The following NUP210 variants were observed in gnomAD, a reference collection of about 807,000 sequenced individuals.
The protein encoded by NUP210 is nuclear pore membrane glycoprotein 210.
In NUP210, 151 loss-of-function variants were observed where a neutral mutation model predicts 196.0. The ratio of observed to expected loss-of-function variants is 0.77; its 90% CI spans 0.67 to 0.88. The LOEUF is 0.88. Ranked by LOEUF, NUP210 falls within the 40% of genes least tolerant of loss-of-function variation. NUP210 has a pLI of 0.00. For missense variants in NUP210, 2,314 were observed against 2,493.7 expected (o/e 0.93, Z 1.53); for synonymous variants, 1,070 against 1,052.7 (o/e 1.02, Z -0.32).
intron 20 of NUP210, chr3:13,346,942 C>A: frequency 1.1e-6 from 1 of 913,898 alleles, no homozygotes; most frequent in Non-Finnish European, 1.3e-6. Flanking sequence ...ACACAGGGAC[C>A]CGGCCAGCCC....
intron 6 of NUP210, among the ~76,000 whole-genome samples, chr3:13,384,396 T>G (rs1010698120): frequency 2.6e-5 from 4 of 152,208 alleles, no homozygotes; most frequent in African/African-American, 9.6e-5. Flanking sequence ...CTTCTATGCC[T>G]CAGTTTTCCT....
At chr3:13,353,345 G>T (rs1277491218) in intron 18 of NUP210, among the ~76,000 whole-genome samples, 3 of 152,136 alleles carry the variant, frequency 2.0e-5, no homozygotes, top group Non-Finnish European at 4.4e-5. Context: ...TTCTTGAGAA[G>T]CCCTTCCCAT....
At chr3:13,391,652 T>C (rs994384408) in intron 3 of NUP210, among the ~76,000 whole-genome samples, 2 of 147,522 alleles carry the variant, frequency 1.4e-5, no homozygotes, top group African/African-American at 2.5e-5. Context: ...GTTTACAATT[T>C]AGGAGTCTGC....
chr3:13,341,596 G>T, intron 23 of NUP210, 152 bp downstream of exon 23: 1 of 884,718 alleles, frequency 1.1e-6, no homozygotes, highest in Non-Finnish European at 1.7e-6. Flanking sequence ...GATCCCTAGA[G>T]CTCGTAACAG....
chr3:13,334,757 C>T (rs1160066281), intron 28 of NUP210, among the ~76,000 whole-genome samples: 6 of 152,338 alleles, frequency 3.9e-5, no homozygotes, highest in East Asian at 1.9e-4. Context: ...GGCAGGAACT[C>T]GCCCACAGCC....
chr3:13,358,748 A>G (rs1296652328), intron 15 of NUP210, among the ~76,000 whole-genome samples: 4 of 152,218 alleles, frequency 2.6e-5, no homozygotes, highest in Non-Finnish European at 5.9e-5. Flanking sequence ...TGAGGAGTCC[A>G]TATGGAGGTG....
intron 1 of NUP210, among the ~76,000 whole-genome samples, chr3:13,414,336 T>C (rs1020098937): frequency 9.2e-5 from 14 of 151,996 alleles, no homozygotes; most frequent in African/African-American, 3.4e-4. Context: ...AGGAAGAAAA[T>C]CACCCAAGGC....
chr3:13,414,278 C>T (rs947005024), intron 1 of NUP210, among the ~76,000 whole-genome samples: 1 of 152,276 alleles, frequency 6.6e-6, no homozygotes, highest in African/African-American at 2.4e-5. Context: ...GAAGCCACCT[C>T]GTGGGGCTGA....
chr3:13,378,767 G>A (rs1461845809), intron 8 of NUP210, 145 bp downstream of exon 8: 3 of 664,702 alleles, frequency 4.5e-6, no homozygotes, highest in African/African-American at 3.6e-5. Flanking sequence ...GCTGGTGAGT[G>A]CCCTGGGCAA....
At chr3:13,377,378 TG>T in intron 9 of NUP210, 77 bp downstream of exon 9, 1 of 1,019,454 alleles carries the variant, frequency 9.8e-7, no homozygotes, top group African/African-American at 1.6e-5. Context: ...CCTGTTGCTT[TG>T]GGGGCTGCTC....
At chr3:13,396,168 C>T (rs1296274718) in intron 3 of NUP210, among the ~76,000 whole-genome samples, 1 of 152,194 alleles carries the variant, frequency 6.6e-6, no homozygotes, top group Non-Finnish European at 1.5e-5. Flanking sequence ...GCTTGGGAGA[C>T]ACTACTAACA....
Position 13,327,197 on chromosome 3 carries a change from T to A in NUP210, c.4507+20A>T. 2 of 1,599,278 alleles carry A rather than the reference T, an allele frequency of 1.3e-6. No individual in the cohort carries two copies. Among genetic ancestry groups the A allele is most frequent in the Non-Finnish European group, 1.7e-6 (2 of 1,170,556 alleles). ...AGCGTCCGTGACTCCACAGGTTCCCTTGCTCAGGATCTATCTTACCTTCCA... is the reference window on the plus strand; with the variant it reads ...AGCGTCCGTGACTCCACAGGTTCCCATGCTCAGGATCTATCTTACCTTCCA... On this transcript the variant is annotated intron_variant, in intron 32 of 39. Transcript: ENST00000254508.
At chr3:13,404,170 T>G (rs1015481179) in intron 1 of NUP210, among the ~76,000 whole-genome samples, 22 of 152,190 alleles carry the variant, frequency 1.4e-4, no homozygotes, top group African/African-American at 4.8e-4. Flanking sequence ...ACAAAAGAAC[T>G]GCAACAGCCA....
Position 13,379,841 on chromosome 3 carries a change from G to A in NUP210, c.818-120C>T, listed in dbSNP as rs538262525. On this transcript the variant is annotated intron_variant, in intron 6 of 39. Transcript: ENST00000254508. This position sits in a 1 kb window ranked among gnomAD's most constrained non-coding sequence, Gnocchi z 4.2. ...GCACTCTGCTCTCAGTACAGCTGAC[G>A]CATTTTCTTAATTGTTTTCAGTGCT... 20 of 760,014 alleles carry A rather than the reference G, an allele frequency of 2.6e-5. No individual in the cohort carries two copies. The highest frequency in any genetic ancestry group is 6.1e-5 in the East Asian group (2 of 32,990). 47.1% of individuals were successfully genotyped at this position (760,014 alleles called of 1,614,324 possible).
At chr3:13,410,791 G>C (rs535666199) in intron 1 of NUP210, among the ~76,000 whole-genome samples, 79 of 150,974 alleles carry the variant, frequency 5.2e-4, no homozygotes, top group Non-Finnish European at 6.9e-4. Flanking sequence ...GGTGGCAGAC[G>C]CCTGTAGTCC....
intron 34 of NUP210, 112 bp from the exon 35 acceptor site, chr3:13,322,451 T>C: frequency 8.2e-7 from 1 of 1,218,700 alleles, no homozygotes; most frequent in Non-Finnish European, 1.2e-6. Context: ...CCCCTGCATG[T>C]CTTCCAGCAG....
chr3:13,406,644 G>A (rs1700011198), intron 1 of NUP210, among the ~76,000 whole-genome samples: 1 of 152,228 alleles, frequency 6.6e-6, no homozygotes, highest in Non-Finnish European at 1.5e-5. Context: ...TCCACATCAA[G>A]TTTGGCCAAA....
At chr3:13,320,130 G>A (rs1696461006) in intron 36 of NUP210, 151 bp from the exon 37 acceptor site, 2 of 723,830 alleles carry the variant, frequency 2.8e-6, no homozygotes, top group Non-Finnish European at 2.3e-6. Flanking sequence ...CTTCCCTCCT[G>A]GGGCCCAAGG....
Position 13,377,456 on chromosome 3 carries a change from G to A in NUP210, c.1152C>T (p.Asp384=), listed in dbSNP as rs1244891410. ...DKFSNKVYVS[D]NIRIETVLPA... Reference sequence around the variant, plus strand: ...AGCCAGGACCTGAACAGGCACTCACGTCAGATACATAGACCTTGTTGCTGA... The same window carrying A: ...AGCCAGGACCTGAACAGGCACTCACATCAGATACATAGACCTTGTTGCTGA... Residue 384 remains aspartate (D), a splice_region_variant and synonymous_variant, in exon 9 of 40, where the codon GAC becomes GAT. Transcript: ENST00000254508. 8.7e-6 allele frequency: 14 copies of A among 1,608,408 alleles called. No homozygotes were observed. The highest frequency in any genetic ancestry group is 3.3e-5 in the South Asian group (3 of 90,876).
Sources: allele counts gnomAD v4.1 joint callset (sites outside exome capture counted in the v4.1 genomes callset), GRCh38; gene constraint gnomAD v4.1.1; non-coding constraint Gnocchi (gnomAD v3.1); transcripts MANE v1.5; gene names NCBI Gene and HGNC (gene_info 2026-07-23, HGNC 2026-07-21).